GORASP2: variants seen among roughly 807,000 people sequenced by gnomAD.
The protein encoded by GORASP2 is Golgi reassembly-stacking protein 2.
A neutral mutation model predicts 45.7 loss-of-function variants in GORASP2; 22 were observed. The observed-to-expected ratio is 0.48, with a 90% CI of 0.34 to 0.69. The LOEUF is 0.69. GORASP2 is among the 30% of genes least tolerant of loss of function. GORASP2 has a pLI of 0.01. For synonymous variants in GORASP2, 221 were observed against 215.6 expected (o/e 1.02, Z -0.22); for missense variants, 491 against 562.7 (o/e 0.87, Z 1.29).
chr2:170,938,262 C>T (rs966647238), intron 1 of GORASP2, among the ~76,000 whole-genome samples: 36 of 152,142 alleles, frequency 2.4e-4, no homozygotes, highest in Non-Finnish European at 4.3e-4. Context: ...GAACCAGTAT[C>T]GTGGCAATAC....
At chr2:170,946,010 TTTTTG>T (rs935333958) in intron 1 of GORASP2, among the ~76,000 whole-genome samples, 1 of 152,162 alleles carries the variant, frequency 6.6e-6, no homozygotes, top group Non-Finnish European at 1.5e-5. Context: ...AATAGATTTT[TTTTTG>T]TTTTGTTTTG....
chr2:170,948,352 A>T lies in GORASP2; in HGVS notation c.66A>T (p.Val22=). The change falls in exon 2 of 10, where the codon GTA becomes GTT. Residue 22 remains valine (V), a splice_region_variant and synonymous_variant. Coordinates refer to ENST00000234160, the MANE Select transcript of GORASP2 (RefSeq NM_015530.5). ...GGTEGYHVLR[V]QENSPGHRAG... is the part of the protein sequence containing the mutation. Reference sequence around the variant, plus strand: ...TTTTGTCGTTTTTGTTTCCGCAGGTACAAGAAAATTCCCCAGGACACAGAG... The same window carrying T: ...TTTTGTCGTTTTTGTTTCCGCAGGTTCAAGAAAATTCCCCAGGACACAGAG... 6.3e-7 allele frequency: 1 copy of T among 1,576,778 alleles called. No homozygotes were observed. Among genetic ancestry groups the T allele is most frequent in the Non-Finnish European group, 8.7e-7 (1 of 1,150,432 alleles).
At chr2:170,956,948 AAAG>A (rs1339115682) in intron 7 of GORASP2, among the ~76,000 whole-genome samples, 1 of 152,202 alleles carries the variant, frequency 6.6e-6, no homozygotes, top group South Asian at 2.1e-4. Context: ...AATTTTTAAA[AAAG>A]AATTTAAAAA....
At chr2:170,956,345 A>G (rs1704427614) in intron 6 of GORASP2, 91 bp from the exon 7 acceptor site, 2 of 1,148,356 alleles carry the variant, frequency 1.7e-6, no homozygotes, top group South Asian at 1.5e-5. Context: ...TGAACCAAAT[A>G]TCTATCTGCA....
chr2:170,957,880 A>G (rs1489255064), intron 7 of GORASP2, among the ~76,000 whole-genome samples: 1 of 152,172 alleles, frequency 6.6e-6, no homozygotes, highest in East Asian at 1.9e-4. Flanking sequence ...GCTGGTCCCT[A>G]ACTCCTGGCC....
At chr2:170,949,501 T>G in intron 2 of GORASP2, 38 bp from the exon 3 acceptor site, 1 of 1,512,938 alleles carries the variant, frequency 6.6e-7, no homozygotes, top group Non-Finnish European at 9.2e-7. Context: ...ACATTAAATT[T>G]TTATTTACTA....
At chr2:170,939,449 A>G (rs755610673) in intron 1 of GORASP2, among the ~76,000 whole-genome samples, 4 of 152,246 alleles carry the variant, frequency 2.6e-5, no homozygotes, top group Non-Finnish European at 5.9e-5. Flanking sequence ...CATAGAATAT[A>G]GTAGTCTCTC....
chr2:170,945,046 AG>A (rs1188551248), intron 1 of GORASP2, among the ~76,000 whole-genome samples: 1 of 152,172 alleles, frequency 6.6e-6, no homozygotes, highest in Non-Finnish European at 1.5e-5. Context: ...TTGTGACTCC[AG>A]GCAGCCACTA....
rs1704674304 is a variant in GORASP2, at chr2:170,965,864, C to T, written c.1093C>T (p.Leu365Phe). The T allele has an allele frequency of 6.2e-7, 1 of 1,614,062 alleles. No individual in the cohort carries two copies. The highest frequency in any genetic ancestry group is 8.5e-7 in the Non-Finnish European group (1 of 1,179,988). Residue 365 changes from leucine to phenylalanine, a missense_variant, in exon 10 of 10, where the codon CTC (leucine) becomes TTC (phenylalanine). Around this residue, in one of 2 missense-constraint regions of GORASP2, gnomAD observed 297 missense variants for 292.3 expected, o/e 1.02. Transcript: ENST00000234160. ...IAPLPLPSEFLPSFPLVPESS... is the reference protein window; with the variant it reads ...IAPLPLPSEFFPSFPLVPESS... ...ACCTCTCCCCCTGCCATCCGAGTTC[C>T]TCCCGTCATTCCCCTTGGTTCCAGA...
At chr2:170,951,001 A>T (rs1334098692) in intron 4 of GORASP2, among the ~76,000 whole-genome samples, 1 of 152,176 alleles carries the variant, frequency 6.6e-6, no homozygotes, top group African/African-American at 2.4e-5. Flanking sequence ...GAAGAAAAAA[A>T]AAAGAGTGAG....
chr2:170,951,021 G>A (rs1307537757), intron 4 of GORASP2, among the ~76,000 whole-genome samples: 2 of 152,058 alleles, frequency 1.3e-5, no homozygotes, highest in African/African-American at 2.4e-5. Flanking sequence ...GAAATGAGGT[G>A]CCCAGACAAC....
chr2:170,943,711 C>T (rs1285904700), intron 1 of GORASP2, among the ~76,000 whole-genome samples: 3 of 152,146 alleles, frequency 2.0e-5, no homozygotes, highest in East Asian at 1.9e-4. Flanking sequence ...CTTGCTCTGT[C>T]GCCCAGGCTG....
intron 1 of GORASP2, among the ~76,000 whole-genome samples, chr2:170,937,965 T>C (rs1041673272): frequency 1.3e-5 from 2 of 152,208 alleles, no homozygotes; most frequent in African/African-American, 4.8e-5. Flanking sequence ...GAGCAACCCT[T>C]TGAACTGCTT....
chr2:170,948,325 AT>A, intron 1 of GORASP2, 24 bp from the exon 2 acceptor site: 1 of 1,390,722 alleles, frequency 7.2e-7, no homozygotes, highest in Non-Finnish European at 1.0e-6. Context: ...TACATTTTTT[AT>A]TTTTGTCGTT....
chr2:170,928,873 G>C (rs1393337102), upstream of GORASP2: 1 of 154,314 alleles, frequency 6.5e-6, no homozygotes, highest in Non-Finnish European at 1.4e-5. Flanking sequence ...CAGAGAGCTT[G>C]GTGTGTGTTG....
At chr2:170,943,932 T>C (rs1193582557) in intron 1 of GORASP2, among the ~76,000 whole-genome samples, 1 of 152,166 alleles carries the variant, frequency 6.6e-6, no homozygotes, top group Non-Finnish European at 1.5e-5. Context: ...CACCTCTGCC[T>C]CCCAAAGTGC....
Position 170,949,612 on chromosome 2 carries a change from G to T in GORASP2, c.218G>T (p.Ser73Ile). Residue 73 changes from serine to isoleucine, a missense_variant, in exon 3 of 10, where the codon AGC becomes ATC. Ser to Ile is a moderately radical substitution (Grantham distance 142). This residue lies in a region of GORASP2 where 194 missense variants were observed against 270.4 expected (regional missense o/e 0.72). Coordinates refer to ENST00000234160, the MANE Select transcript of GORASP2 (RefSeq NM_015530.5). Reference sequence around the variant, plus strand: ...AAGCCTGTAAAGATGCTTATCTATAGCAGCAAAACATTGGAACTGCGAGAG... The same window carrying T: ...AAGCCTGTAAAGATGCTTATCTATATCAGCAAAACATTGGAACTGCGAGAG... ...VEKPVKMLIY[S>I]SKTLELRETS... 1 of 1,613,928 alleles carries T rather than the reference G, an allele frequency of 6.2e-7. No homozygotes were observed. Among genetic ancestry groups the T allele is most frequent in the Non-Finnish European group, 8.5e-7 (1 of 1,179,802 alleles).
At chr2:170,936,677 G>C (rs1472964131) in intron 1 of GORASP2, 3 of 1,290,662 alleles carry the variant, frequency 2.3e-6, no homozygotes, top group African/African-American at 3.1e-5. Context: ...GCTTAAGCCG[G>C]GCATAATGGT....
intron 1 of GORASP2, among the ~76,000 whole-genome samples, chr2:170,941,440 A>C (rs1704075263): frequency 6.6e-6 from 1 of 152,228 alleles, no homozygotes; most frequent in Admixed American, 6.5e-5. Flanking sequence ...TTATATTAAA[A>C]GAGTGCACAC....
Sources: gnomAD v4.1 joint callset for allele counts (sites outside exome capture counted in the v4.1 genomes callset) on GRCh38, gnomAD v4.1.1 for gene constraint, gnomAD v4.1.1 regional missense constraint, MANE v1.5 for transcripts, NCBI Gene and HGNC (gene_info 2026-07-23, HGNC 2026-07-21) for gene names.